The following TMTC1 variants were observed in gnomAD, a reference collection of about 807,000 sequenced individuals.
TMTC1 encodes the protein transmembrane O-mannosyltransferase targeting cadherins 1.
TMTC1 carries 73 observed loss-of-function variants against 104.8 expected under a neutral mutation model. The observed-to-expected ratio is 0.70, with a 90% CI of 0.58 to 0.85. TMTC1 has a LOEUF of 0.85. Ranked by LOEUF, TMTC1 falls within the 40% of genes least tolerant of loss-of-function variation. TMTC1 has a pLI of 0.00. For synonymous variants in TMTC1, 434 were observed against 428.7 expected (o/e 1.01, Z -0.15); for missense variants, 1,035 against 1,096.1 (o/e 0.94, Z 0.79).
chr12:29,567,081 T>C (rs7301943), intron 9 of TMTC1, among the ~76,000 whole-genome samples: 125,493 of 152,144 alleles, frequency 0.82, 52,873 homozygotes, highest in East Asian at 0.94. Context: ...CCTCCATTCA[T>C]GACACCTCTA....
At chr12:29,717,040 C>T (rs962993510) in intron 5 of TMTC1, among the ~76,000 whole-genome samples, 1 of 151,922 alleles carries the variant, frequency 6.6e-6, no homozygotes, top group Non-Finnish European at 1.5e-5. Context: ...AACAAACAAA[C>T]AAACAAAAAT....
chr12:29,542,347 C>G (rs1273694526), intron 10 of TMTC1, among the ~76,000 whole-genome samples: 1 of 152,058 alleles, frequency 6.6e-6, no homozygotes, highest in Non-Finnish European at 1.5e-5. Flanking sequence ...CTTGGGGATC[C>G]CTGCATAGGT....
intron 5 of TMTC1, among the ~76,000 whole-genome samples, chr12:29,688,704 T>A (rs1941173115): frequency 6.6e-6 from 1 of 152,218 alleles, no homozygotes; most frequent in African/African-American, 2.4e-5. Flanking sequence ...TTCACAATAT[T>A]CCTTTGAGGT....
Position 29,670,389 on chromosome 12 carries a change from T to G in TMTC1, c.939-37053A>C, listed in dbSNP as rs530125208. On this transcript the variant is annotated intron_variant, in intron 5 of 17. Coordinates refer to ENST00000539277, the MANE Select transcript of TMTC1 (RefSeq NM_001193451.2). The stretch of plus-strand genomic sequence containing the variant: ...TAGCACATTCCTGTCAGACGGGCAC[T>G]ATTAATATCTTAATGTTGCAAGTGG... Among the ~76,000 whole-genome samples the G allele has an allele frequency of 1.5e-4, 23 of 152,314 alleles. No homozygotes were observed. In the South Asian group the frequency reaches 4.8e-3, roughly 32 times the overall value.
intron 5 of TMTC1, among the ~76,000 whole-genome samples, chr12:29,725,817 G>A (rs1021791872): frequency 2.0e-5 from 3 of 152,126 alleles, no homozygotes; most frequent in Admixed American, 6.5e-5. Context: ...TCACTGGAGC[G>A]GACTTCCTGA....
chr12:29,598,072 T>C (rs192416458), intron 7 of TMTC1, among the ~76,000 whole-genome samples: 1 of 152,330 alleles, frequency 6.6e-6, no homozygotes, highest in Non-Finnish European at 1.5e-5. Context: ...AGAGAAACAG[T>C]AATCTGACCC....
intron 6 of TMTC1, among the ~76,000 whole-genome samples, chr12:29,608,478 C>T (rs2148534): frequency 0.43 from 65,252 of 151,972 alleles, 14,390 homozygotes; most frequent in African/African-American, 0.49. Context: ...CAGCTAATAA[C>T]ACAGCCATTA....
intron 8 of TMTC1, among the ~76,000 whole-genome samples, chr12:29,578,851 C>T (rs1945897030): frequency 6.6e-6 from 1 of 152,162 alleles, no homozygotes; most frequent in African/African-American, 2.4e-5. Context: ...TTGTGATTCT[C>T]CTCAATTTTG....
chr12:29,597,216 T>C (rs1397275067), intron 7 of TMTC1, among the ~76,000 whole-genome samples: 1 of 150,232 alleles, frequency 6.7e-6, no homozygotes, highest in Non-Finnish European at 1.5e-5. Flanking sequence ...TTCTTTTCTT[T>C]TTCTTTTTCT....
At chr12:29,626,303 T>C (rs1055220320) in intron 6 of TMTC1, among the ~76,000 whole-genome samples, 52 of 152,068 alleles carry the variant, frequency 3.4e-4, no homozygotes, top group African/African-American at 1.3e-3. Context: ...GAAGTTTAAG[T>C]GAAGGGAGTT....
rs1413221759 is a variant in TMTC1, at chr12:29,627,661, T to G, written c.1128+5486A>C. 7.1e-5 allele frequency among the ~76,000 whole-genome samples: 10 copies of G among 141,616 alleles called. No homozygotes were observed. The Admixed American group carries it at 7.4e-4, about 11-fold the overall frequency. 92.9% of individuals were successfully genotyped at this position (141,616 alleles called of 152,430 possible). A position where few individuals can be genotyped will look rare whatever the true frequency, so the allele number is the denominator to read the frequency against. ...CCACAAAGAAACTTGTACACAAATA[T>G]GTACAGTAGCATTATTTTTAGTAGT... is the stretch of plus-strand genomic sequence containing the variant. On this transcript the variant is annotated intron_variant, in intron 6 of 17. Coordinates refer to ENST00000539277, the MANE Select transcript of TMTC1 (RefSeq NM_001193451.2).
chr12:29,766,229 T>C (rs939887465), intron 2 of TMTC1, among the ~76,000 whole-genome samples: 4 of 152,210 alleles, frequency 2.6e-5, no homozygotes, highest in Non-Finnish European at 5.9e-5. Context: ...AATATATTTT[T>C]GTCAAAACTT....
In TMTC1 at chr12:29,783,926, C is replaced by T. The variant is rs1943900443; in HGVS notation, c.-175G>A. On this transcript the variant is annotated 5_prime_UTR_variant, in exon 1 of 18. Transcript: ENST00000539277. This position sits in a 1 kb window ranked among gnomAD's most constrained non-coding sequence, Gnocchi z 4.7. ...GCCGCCGCCTGCGCCGCGGAGTTGG[C>T]CCAGCTGCAAATAAACAGCAGTCCC... The T allele has an allele frequency of 4.0e-6, 2 of 494,492 alleles. No individual in the cohort carries two copies. The highest frequency in any genetic ancestry group is 5.9e-5 in the Admixed American group (1 of 16,960). 30.6% of individuals were successfully genotyped at this position (494,492 alleles called of 1,614,324 possible). A position where few individuals can be genotyped will look rare whatever the true frequency, so the allele number is the denominator to read the frequency against.
intron 5 of TMTC1, among the ~76,000 whole-genome samples, chr12:29,654,351 A>T (rs1281543533): frequency 6.6e-6 from 1 of 152,160 alleles, no homozygotes. Context: ...GAGATGTTCA[A>T]CATCATTAGC....
At chr12:29,677,520 G>A (rs76318731) in intron 5 of TMTC1, among the ~76,000 whole-genome samples, 12,118 of 152,236 alleles carry the variant, frequency 0.08, 683 homozygotes, top group South Asian at 0.17. Flanking sequence ...TCGTTATACC[G>A]CGGTAGCCCC....
intron 9 of TMTC1, among the ~76,000 whole-genome samples, chr12:29,564,232 G>A (rs1239080666): frequency 6.6e-5 from 10 of 152,204 alleles, no homozygotes. Context: ...AAAATGTCCA[G>A]CTGGGTAGAT....
In TMTC1 at chr12:29,783,470, CG is replaced by C; in HGVS notation, c.281del (p.Pro94ArgfsTer9). The C allele has an allele frequency of 5.2e-6, 7 of 1,342,534 alleles. No homozygotes were observed. The highest frequency in any genetic ancestry group is 6.7e-6 in the Non-Finnish European group (7 of 1,040,062). 83.2% of individuals were successfully genotyped at this position (1,342,534 alleles called of 1,614,324 possible). ...AENTSHKSYR[P>X]LCVLTFKLNI... Reference sequence around the variant, plus strand: ...CTCACTTGAAGGTGAGGACGCAGAGCGGCCGGTAGGACTTGTGGCTGGTGTT... The same window carrying C: ...CTCACTTGAAGGTGAGGACGCAGAGCGCCGGTAGGACTTGTGGCTGGTGTT... On this transcript the variant is annotated frameshift_variant, in exon 1 of 18. Transcript: ENST00000539277. LOFTEE classifies it high-confidence loss of function. This position sits in a 1 kb window ranked among gnomAD's most constrained non-coding sequence, Gnocchi z 4.7.
At chr12:29,510,407 T>A (rs1270861596) in intron 17 of TMTC1, among the ~76,000 whole-genome samples, 1 of 152,216 alleles carries the variant, frequency 6.6e-6, no homozygotes, top group African/African-American at 2.4e-5. Flanking sequence ...TGTAACTATT[T>A]AACATATGAT....
At chr12:29,556,539 C>A (rs908130094) in intron 10 of TMTC1, among the ~76,000 whole-genome samples, 2 of 152,206 alleles carry the variant, frequency 1.3e-5, no homozygotes, top group Non-Finnish European at 1.5e-5. Flanking sequence ...AAGCTTCTTG[C>A]CATAAATAAA....
Sources: gnomAD v4.1 joint callset for allele counts (sites outside exome capture counted in the v4.1 genomes callset) on GRCh38, gnomAD v4.1.1 for gene constraint, Gnocchi (gnomAD v3.1) non-coding constraint, MANE v1.5 for transcripts, NCBI Gene and HGNC (gene_info 2026-07-23, HGNC 2026-07-21) for gene names.